RAP1A: variants seen among roughly 807,000 people sequenced by gnomAD.
RAP1A encodes RAP1A, member of RAS oncogene family.
Under a neutral mutation model 26.4 loss-of-function variants are expected in RAP1A, and 6 were observed. The ratio of observed to expected loss-of-function variants is 0.23; its 90% CI spans 0.12 to 0.45. The LOEUF (loss-of-function observed/expected upper bound fraction) is 0.45. Ranked by LOEUF, RAP1A falls within the 20% of genes least tolerant of loss-of-function variation. The probability of loss-of-function intolerance (pLI) is 0.99; values close to 1 mark genes in which losing one functional copy is unlikely to be tolerated. For synonymous variants in RAP1A, 73 were observed against 79.4 expected, an observed-to-expected ratio of 0.92 and a Z score of 0.43; for missense variants, 121 against 217.2, an observed-to-expected ratio of 0.56 and a Z score of 2.78.
intron 1 of RAP1A, among the ~76,000 whole-genome samples, chr1:111,607,074 G>A (rs945648174): frequency 8.6e-5 from 13 of 150,490 alleles, no homozygotes; most frequent in African/African-American, 3.2e-4. Flanking sequence ...CGCAGAGGGG[G>A]ATTTGGCAGG....
chr1:111,694,728 T>TAA (rs1055031010), intron 2 of RAP1A, among the ~76,000 whole-genome samples: 1 of 152,178 alleles, frequency 6.6e-6, no homozygotes, highest in African/African-American at 2.4e-5. Context: ...GGTTATAAAT[T>TAA]AAAAGTGACT....
chr1:111,589,617 A>G (rs1658433842), intron 1 of RAP1A, among the ~76,000 whole-genome samples: 1 of 152,102 alleles, frequency 6.6e-6, no homozygotes, highest in Non-Finnish European at 1.5e-5. Context: ...TACCTGTTTA[A>G]ATACTAAGTC....
At chr1:111,611,117 C>G (rs1347170995) in intron 1 of RAP1A, among the ~76,000 whole-genome samples, 4 of 152,166 alleles carry the variant, frequency 2.6e-5, no homozygotes, top group Non-Finnish European at 4.4e-5. Flanking sequence ...ACGACAAATC[C>G]TATTACAACA....
At chr1:111,645,133 A>C (rs1660023962) in intron 1 of RAP1A, among the ~76,000 whole-genome samples, 2 of 121,262 alleles carry the variant, frequency 1.6e-5, no homozygotes. Flanking sequence ...AATAATTTGC[A>C]ATTTAAAGAA....
chr1:111,615,697 G>A (rs1658999998), upstream of RAP1A, among the ~76,000 whole-genome samples: 1 of 152,002 alleles, frequency 6.6e-6, no homozygotes, highest in Admixed American at 6.5e-5. Flanking sequence ...TGGCCGTGGT[G>A]GCCTGTGCCT....
intron 1 of RAP1A, among the ~76,000 whole-genome samples, chr1:111,614,436 T>C (rs1658980352): frequency 6.6e-6 from 1 of 152,230 alleles, no homozygotes; most frequent in Non-Finnish European, 1.5e-5. Flanking sequence ...CTTCTTTTTA[T>C]TGATATGTAT....
At position 111,647,569 on chromosome 1, in the gene RAP1A, A is replaced by G. The variant is rs1660110818; in HGVS notation, c.-28+27635A>G. Reference sequence around the variant, plus strand: ...AAACGTAACAGATATTTGTGGTTATATCAGGGACTATTATAACATTTTTTC... The same window carrying G: ...AAACGTAACAGATATTTGTGGTTATGTCAGGGACTATTATAACATTTTTTC... On this transcript the variant is annotated intron_variant, in intron 1 of 7. Transcript: ENST00000369709. Among the ~76,000 whole-genome samples the G allele has an allele frequency of 4.6e-5, 7 of 152,240 alleles. No homozygotes were observed. The South Asian group carries it at 1.4e-3, about 31-fold the overall frequency.
chr1:111,564,016 C>A, intron 1 of RAP1A: 1 of 1,197,990 alleles, frequency 8.3e-7, no homozygotes, highest in Non-Finnish European at 1.2e-6. Flanking sequence ...TCCACCCATC[C>A]AACCCTTCTG....
intron 1 of RAP1A, among the ~76,000 whole-genome samples, chr1:111,577,480 G>T (rs1367990069): frequency 6.7e-6 from 1 of 150,174 alleles, no homozygotes; most frequent in Admixed American, 6.7e-5. Flanking sequence ...GCTGACATAT[G>T]GGTATTCTTT....
At chr1:111,615,966 A>G (rs191762954), upstream of RAP1A, among the ~76,000 whole-genome samples, 22 of 152,322 alleles carry the variant, frequency 1.4e-4, no homozygotes, top group African/African-American at 4.8e-4. Context: ...TTTATTGAAC[A>G]GTGCAGCTCA....
chr1:111,639,978 T>A (rs1470622913), intron 1 of RAP1A, among the ~76,000 whole-genome samples: 1 of 152,222 alleles, frequency 6.6e-6, no homozygotes, highest in Non-Finnish European at 1.5e-5. Context: ...GATTAGAGAT[T>A]GTATTCTTTG....
intron 1 of RAP1A, among the ~76,000 whole-genome samples, chr1:111,633,017 A>G (rs1383823312): frequency 2.0e-5 from 3 of 151,832 alleles, no homozygotes; most frequent in Non-Finnish European, 4.4e-5. Context: ...TATAATTACT[A>G]CTTCATGAGG....
chr1:111,585,027 G>A (rs527330853), intron 1 of RAP1A, among the ~76,000 whole-genome samples: 2 of 152,296 alleles, frequency 1.3e-5, no homozygotes, highest in East Asian at 3.9e-4. Context: ...TCAATAGAAT[G>A]TTTCTATGAT....
chr1:111,657,986 G>A (rs1174505007), intron 1 of RAP1A, among the ~76,000 whole-genome samples: 5 of 152,136 alleles, frequency 3.3e-5, no homozygotes, highest in Middle Eastern at 3.4e-3. Context: ...AACATACCTT[G>A]TATGATTTAA....
chr1:111,579,459 A>G (rs1361080904), intron 1 of RAP1A, among the ~76,000 whole-genome samples: 1 of 152,216 alleles, frequency 6.6e-6, no homozygotes, highest in African/African-American at 2.4e-5. Context: ...GCTATGTGCC[A>G]GGTACTTTAT....
intron 1 of RAP1A, among the ~76,000 whole-genome samples, chr1:111,620,230 A>G (rs1659148569): frequency 6.6e-6 from 1 of 152,216 alleles, no homozygotes; most frequent in African/African-American, 2.4e-5. Flanking sequence ...TGGGAGAGAA[A>G]GAGGACATTG....
intron 3 of RAP1A, 47 bp from the exon 4 acceptor site, chr1:111,697,394 G>C: frequency 6.2e-7 from 1 of 1,603,928 alleles, no homozygotes; most frequent in Non-Finnish European, 8.5e-7. Context: ...AACAGAATGA[G>C]ATTTTGATGT....
chr1:111,636,462 G>T (rs1226727371), intron 1 of RAP1A, among the ~76,000 whole-genome samples: 1 of 151,804 alleles, frequency 6.6e-6, no homozygotes, highest in African/African-American at 2.4e-5. Flanking sequence ...GGTGTGTTTG[G>T]TAGTTTGTGA....
intron 1 of RAP1A, among the ~76,000 whole-genome samples, chr1:111,639,320 T>C (rs1376146509): frequency 1.3e-5 from 2 of 152,156 alleles, no homozygotes; most frequent in Non-Finnish European, 2.9e-5. Flanking sequence ...CTTTTCTGAA[T>C]TAGAATCCGA....
Sources: allele counts gnomAD v4.1 joint callset (sites outside exome capture counted in the v4.1 genomes callset), GRCh38; gene constraint gnomAD v4.1.1; transcripts MANE v1.5; gene names NCBI Gene and HGNC (gene_info 2026-07-23, HGNC 2026-07-21).